The following EIF4A2 variants were observed in gnomAD, a reference collection of about 807,000 sequenced individuals.
EIF4A2 encodes eukaryotic initiation factor 4A-II.
EIF4A2 carries 9 observed loss-of-function variants against 50.6 expected under a neutral mutation model. That is an observed-to-expected ratio of 0.18 (90% CI 0.11 to 0.31). EIF4A2 has a LOEUF of 0.31. EIF4A2 is among the 10% of genes least tolerant of loss of function. The probability of loss-of-function intolerance (pLI) is 1.00; values close to 1 mark genes in which losing one functional copy is unlikely to be tolerated. For missense variants in EIF4A2, 182 were observed against 501.8 expected (o/e 0.36, Z 6.09); for synonymous variants, 215 against 164.4 (o/e 1.31, Z -2.35).
chr3:186,787,296 A>G (rs778546320), intron 8 of EIF4A2, 32 bp downstream of exon 8: 2 of 1,614,044 alleles, frequency 1.2e-6, no homozygotes, highest in Non-Finnish European at 1.7e-6. Flanking sequence ...CTGGATTTCC[A>G]CTAAAGCAGG....
chr3:186,787,378 CTA>C lies in EIF4A2; in HGVS notation c.910-114_910-113del, dbSNP rs747846298. The C allele has an allele frequency of 1.2e-5, 20 of 1,608,170 alleles. No individual in the cohort carries two copies. The South Asian group carries it at 1.9e-4, about 15-fold the overall frequency. ...TGCTTAAAATAAAGTTGTTTCTTAA[CTA>C]TACCTGTCTGCTATTCTCCTGTAGC... On this transcript the variant is annotated intron_variant, in intron 8 of 10. Transcript: ENST00000323963.
rs1452504993 is a variant in EIF4A2, at chr3:186,789,348, T to TG, written c.*82dup. On this transcript the variant is annotated 3_prime_UTR_variant, in exon 11 of 11. Transcript: ENST00000323963. ...ACAACGTGCATTGTGCTTCTTTCTT[T>TG]GGGAATATTTGAATCTTGTCTCAAT... is the stretch of plus-strand genomic sequence containing the variant. 25 of 1,507,548 alleles carry TG rather than the reference T, an allele frequency of 1.7e-5. No homozygotes were observed. The highest frequency in any genetic ancestry group is 2.1e-5 in the Non-Finnish European group (24 of 1,124,812). 93.4% of individuals were successfully genotyped at this position (1,507,548 alleles called of 1,614,324 possible). A position where few individuals can be genotyped will look rare whatever the true frequency, so the allele number is the denominator to read the frequency against.
chr3:186,786,360 TGTC>T (rs886413699), intron 6 of EIF4A2, 87 bp downstream of exon 6: 3 of 1,514,012 alleles, frequency 2.0e-6, no homozygotes, highest in Admixed American at 2.0e-5. Flanking sequence ...TGTGTTTTGT[TGTC>T]GTTCCCCCTG....
At position 186,786,217 on chromosome 3, in the gene EIF4A2, C is replaced by T. The variant is rs1721694794; in HGVS notation, c.571C>T (p.Arg191Cys). Residue 191 changes from arginine (R) to cysteine (C), a missense_variant, in exon 6 of 11, where the codon CGT becomes TGT. Transcript: ENST00000323963. ...VLDEADEMLS[R>C]GFKDQIYEIF... Reference sequence around the variant, plus strand: ...GGATGAAGCAGATGAAATGTTGAGCCGTGGTTTTAAGGATCAAATCTATGA... The same window carrying T: ...GGATGAAGCAGATGAAATGTTGAGCTGTGGTTTTAAGGATCAAATCTATGA... 1.2e-6 allele frequency: 2 copies of T among 1,613,710 alleles called. No individual in the cohort carries two copies. The highest frequency in any genetic ancestry group is 1.7e-6 in the Non-Finnish European group (2 of 1,179,874).
chr3:186,788,951 C>A, intron 10 of EIF4A2, 174 bp from the exon 11 acceptor site: 1 of 876,596 alleles, frequency 1.1e-6, no homozygotes, highest in Non-Finnish European at 1.6e-6. Flanking sequence ...TTGGCACTAA[C>A]TGCAAAGGAA....
rs755679855 is a variant in EIF4A2 at position 186,787,174 on chromosome 3, T to C, written c.819T>C (p.Ile273=). The change falls in exon 8 of 11, where the codon ATT becomes ATC. Residue 273 remains isoleucine, a synonymous_variant. Transcript: ENST00000323963. Reference sequence around the variant, plus strand: ...GTGACTTGTACGAGACACTGACCATTACACAGGCTGTTATTTTTCTCAATA... The same window carrying C: ...GTGACTTGTACGAGACACTGACCATCACACAGGCTGTTATTTTTCTCAATA... ...TLCDLYETLT[I]TQAVIFLNTR... is the part of the protein sequence containing the mutation. 3 of 1,614,112 alleles carry C rather than the reference T, an allele frequency of 1.9e-6. No individual in the cohort carries two copies. The highest frequency in any genetic ancestry group is 2.5e-6 in the Non-Finnish European group (3 of 1,179,974).
Position 186,784,959 on chromosome 3 carries a change from T to G in EIF4A2, c.209-3T>G. The G allele has an allele frequency of 6.2e-7, 1 of 1,614,196 alleles. No homozygotes were observed. The highest frequency in any genetic ancestry group is 8.5e-7 in the Non-Finnish European group (1 of 1,180,026). On this transcript the variant is annotated splice_polypyrimidine_tract_variant and splice_region_variant and intron_variant, in intron 3 of 10. Transcript: ENST00000323963. ...CGGTAAATGTGTATCCTACTTTTTT[T>G]AGGGTATGATGTGATTGCTCAAGCT...
intron 4 of EIF4A2, chr3:186,785,646 G>A (rs1426810): frequency 0.67 from 316,549 of 474,074 alleles, 107,230 homozygotes; most frequent in African/African-American, 0.8. Context: ...GTTATTCTTG[G>A]ATTGTCTAGC....
At chr3:186,789,063 G>T (rs1198385138) in intron 10 of EIF4A2, 62 bp from the exon 11 acceptor site, 3 of 1,546,874 alleles carry the variant, frequency 1.9e-6, no homozygotes, top group African/African-American at 1.4e-5. Context: ...CAAGTGGATC[G>T]TCATGTTCAG....
intron 9 of EIF4A2, 44 bp from the exon 10 acceptor site, chr3:186,787,759 A>C: frequency 1.2e-6 from 2 of 1,613,382 alleles, no homozygotes; most frequent in South Asian, 1.1e-5. Context: ...GACAGGTGTC[A>C]AGTTTTTTTG....
chr3:186,784,215 A>G, intron 1 of EIF4A2: 1 of 632,472 alleles, frequency 1.6e-6, no homozygotes, highest in Non-Finnish European at 2.7e-6. Flanking sequence ...TTGAAACGGG[A>G]TCGCCATGCG....
chr3:186,784,220 C>T (rs771245289), intron 1 of EIF4A2: 7 of 649,362 alleles, frequency 1.1e-5, no homozygotes, highest in Admixed American at 3.1e-5. Context: ...ACGGGATCGC[C>T]ATGCGCTCGG....
Position 186,784,940 on chromosome 3 carries a change from ATG to A in EIF4A2, c.209-18_209-17del, listed in dbSNP as rs1241972917. On this transcript the variant is annotated intron_variant, in intron 3 of 10. Coordinates refer to ENST00000323963, the MANE Select transcript of EIF4A2 (RefSeq NM_001967.4). ...TGACAATTTGATGTGGGATCGGTAA[ATG>A]TGTATCCTACTTTTTTTAGGGTATG... 1 of 1,614,136 alleles carries A rather than the reference ATG, an allele frequency of 6.2e-7. No individual in the cohort carries two copies. The highest frequency in any genetic ancestry group is 1.7e-5 in the Admixed American group (1 of 60,018).
Position 186,789,230 on chromosome 3 carries a change from A to T in EIF4A2, c.1185A>T (p.Thr395=), listed in dbSNP as rs1267924756. 1 of 1,611,976 alleles carries T rather than the reference A, an allele frequency of 6.2e-7. No individual in the cohort carries two copies. Among genetic ancestry groups the T allele is most frequent in the Non-Finnish European group, 8.5e-7 (1 of 1,179,440 alleles). ...ACATTGAGACTTTCTACAATACTACAGTGGAGGAGATGCCCATGAATGTGG... is the reference window on the plus strand; with the variant it reads ...ACATTGAGACTTTCTACAATACTACTGTGGAGGAGATGCCCATGAATGTGG... ...LRDIETFYNT[T]VEEMPMNVAD... is the part of the protein sequence containing the mutation. The change falls in exon 11 of 11, where the codon ACA becomes ACT. Residue 395 remains threonine, a synonymous_variant. Coordinates refer to ENST00000323963, the MANE Select transcript of EIF4A2 (RefSeq NM_001967.4).
chr3:186,784,134 G>A, intron 1 of EIF4A2: 2 of 516,434 alleles, frequency 3.9e-6, no homozygotes, highest in East Asian at 3.4e-5. Context: ...CTCCGCCCGC[G>A]TCAATCACCC....
At chr3:186,785,806 A>G (rs1199721211) in intron 4 of EIF4A2, 77 bp from the exon 5 acceptor site, 2 of 1,524,124 alleles carry the variant, frequency 1.3e-6, no homozygotes, top group Non-Finnish European at 8.9e-7. Context: ...AGACCAGATT[A>G]TATTTGCCTT....
chr3:186,789,893 T>G lies in EIF4A2; in HGVS notation c.*624T>G. 5 of 923,228 alleles carry G rather than the reference T, an allele frequency of 5.4e-6. No homozygotes were observed. The South Asian group carries it at 7.5e-5, about 14-fold the overall frequency. The allele number at this position is 923,228 out of a possible 1,614,324, so 57.2% of individuals were successfully genotyped here. ...ATGTTAAATAAATTGTATATTCACTTTAAAGGTGCTTTTGGTCATTTTATT... is the reference window on the plus strand; with the variant it reads ...ATGTTAAATAAATTGTATATTCACTGTAAAGGTGCTTTTGGTCATTTTATT... On this transcript the variant is annotated 3_prime_UTR_variant, in exon 11 of 11. Transcript: ENST00000323963.
rs781015433 is a variant in EIF4A2 at position 186,787,399 on chromosome 3, C to T, written c.910-96C>T. 1.5e-5 allele frequency: 24 copies of T among 1,599,914 alleles called. 1 individual carries two copies. In the South Asian group the frequency reaches 2.1e-4, roughly 14 times the overall value. ...TTAACTATACCTGTCTGCTATTCTCCTGTAGCAGCCAGGGACGCTTGGTCT... is the reference window on the plus strand; with the variant it reads ...TTAACTATACCTGTCTGCTATTCTCTTGTAGCAGCCAGGGACGCTTGGTCT... On this transcript the variant is annotated intron_variant, in intron 8 of 10. Coordinates refer to ENST00000323963, the MANE Select transcript of EIF4A2 (RefSeq NM_001967.4).
chr3:186,786,394 A>C (rs890647031), intron 6 of EIF4A2, 108 bp from the exon 7 acceptor site: 3 of 1,533,930 alleles, frequency 2.0e-6, no homozygotes, highest in Non-Finnish European at 2.6e-6. Flanking sequence ...TTGATGCATA[A>C]CTCTGTCTAC....
Sources: gnomAD v4.1 joint callset for allele counts on GRCh38, gnomAD v4.1.1 for gene constraint, MANE v1.5 for transcripts, NCBI Gene and HGNC (gene_info 2026-07-23, HGNC 2026-07-21) for gene names.